STARD5: variants seen among roughly 807,000 people sequenced by gnomAD.
The protein encoded by STARD5 is stAR-related lipid transfer protein 5.
In STARD5, 26 loss-of-function variants were observed where a neutral mutation model predicts 24.6. The ratio of observed to expected loss-of-function variants is 1.06; its 90% CI spans 0.77 to 1.47. STARD5 has a LOEUF of 1.47. Ranked by LOEUF, STARD5 falls within the 40% of genes most tolerant of loss-of-function variation. STARD5 has a pLI of 0.00. For missense variants in STARD5, 254 were observed against 270.8 expected (o/e 0.94, Z 0.44); for synonymous variants, 101 against 99.7 (o/e 1.01, Z -0.07).
intron 3 of STARD5, 104 bp from the exon 4 acceptor site, chr15:81,319,560 A>G (rs1901153675): frequency 1.0e-6 from 1 of 952,804 alleles, no homozygotes; most frequent in Non-Finnish European, 1.7e-6. Flanking sequence ...GGCTGACAGT[A>G]GGGTGGCACT....
intron 3 of STARD5, among the ~76,000 whole-genome samples, chr15:81,321,587 C>A (rs142328019): frequency 7.0e-6 from 1 of 142,128 alleles, no homozygotes; most frequent in Non-Finnish European, 1.5e-5. Flanking sequence ...TCCAGCCTAG[C>A]GACAGAGTGA....
intron 3 of STARD5, among the ~76,000 whole-genome samples, chr15:81,319,734 T>C (rs1901157673): frequency 3.3e-5 from 5 of 152,212 alleles, no homozygotes; most frequent in Admixed American, 3.3e-4. Flanking sequence ...AGGTACCATT[T>C]ATTGAGCACC....
chr15:81,322,500 C>T lies in STARD5; in HGVS notation c.190G>A (p.Val64Met). ...EGIVYGTLEEVWDCVKPAVGG... is the reference protein window; with the variant it reads ...EGIVYGTLEEMWDCVKPAVGG... Reference sequence around the variant, plus strand: ...ACAGCTGGCTTCACACAGTCCCACACCTCCTCTAGTGTCCCATATACAATG... The same window carrying T: ...ACAGCTGGCTTCACACAGTCCCACATCTCCTCTAGTGTCCCATATACAATG... Residue 64 changes from valine to methionine, a missense_variant, in exon 3 of 6, where the codon GTG becomes ATG. Coordinates refer to ENST00000302824, the MANE Select transcript of STARD5 (RefSeq NM_181900.3). 6.2e-7 allele frequency: 1 copy of T among 1,614,222 alleles called. No individual in the cohort carries two copies. The highest frequency in any genetic ancestry group is 1.1e-5 in the South Asian group (1 of 91,088).
Position 81,322,461 on chromosome 15 carries a change from C to T in STARD5, c.229G>A (p.Val77Met), listed in dbSNP as rs138923627. 7.0e-3 allele frequency: 11,280 copies of T among 1,614,226 alleles called. 44 individuals are homozygous for T. The highest frequency in any genetic ancestry group is 8.4e-3 in the Non-Finnish European group (9,970 of 1,180,038). Reference sequence around the variant, plus strand: ...CCGGTCACATTCTCATCCCACTTCACTCGTAGGCCTCCAACAGCTGGCTTC... The same window carrying T: ...CCGGTCACATTCTCATCCCACTTCATTCGTAGGCCTCCAACAGCTGGCTTC... Reference protein sequence around the residue: ...CVKPAVGGLRVKWDENVTGFE... With the variant: ...CVKPAVGGLRMKWDENVTGFE... Residue 77 changes from valine (V) to methionine (M), a missense_variant, in exon 3 of 6, where the codon GTG becomes ATG. By Grantham distance (21) the Val-to-Met change is conservative (BLOSUM62 1). Coordinates refer to ENST00000302824, the MANE Select transcript of STARD5 (RefSeq NM_181900.3).
At chr15:81,317,065 C>A (rs1901097770) in intron 5 of STARD5, among the ~76,000 whole-genome samples, 1 of 151,980 alleles carries the variant, frequency 6.6e-6, no homozygotes, top group African/African-American at 2.4e-5. Context: ...GGCATGGTGG[C>A]AGGCACCTGT....
At chr15:81,323,919 G>C in intron 1 of STARD5, 82 bp downstream of exon 1, 2 of 1,402,350 alleles carry the variant, frequency 1.4e-6, no homozygotes, top group Non-Finnish European at 2.0e-6. Context: ...ACAACGGGGA[G>C]AGGAGGCGCT....
intron 5 of STARD5, among the ~76,000 whole-genome samples, chr15:81,318,073 A>G (rs936950115): frequency 2.0e-5 from 3 of 152,276 alleles, no homozygotes; most frequent in South Asian, 2.1e-4. Context: ...CTAGCCTTTG[A>G]GTCAGGACAC....
Position 81,314,832 on chromosome 15 carries a change from G to A in STARD5, c.495-1429C>T, listed in dbSNP as rs1314886204. On this transcript the variant is annotated intron_variant, in intron 5 of 5. Transcript: ENST00000302824. Reference sequence around the variant, plus strand: ...ACCTGGGAGGCGGAGGTTGCAGTGAGCCGAGATTACACCATTGCACTCCAG... The same window carrying A: ...ACCTGGGAGGCGGAGGTTGCAGTGAACCGAGATTACACCATTGCACTCCAG... 3.5e-5 allele frequency among the ~76,000 whole-genome samples: 5 copies of A among 142,958 alleles called. No individual in the cohort carries two copies. The East Asian group carries it at 8.5e-4, about 24-fold the overall frequency. 93.8% of individuals were successfully genotyped at this position (142,958 alleles called of 152,430 possible).
chr15:81,323,047 G>T, intron 1 of STARD5, 99 bp from the exon 2 acceptor site: 1 of 1,310,960 alleles, frequency 7.6e-7, no homozygotes, highest in East Asian at 2.4e-5. Flanking sequence ...GAGGCCTCAA[G>T]AGATACGACT....
At chr15:81,323,842 T>A (rs1426120635) in intron 1 of STARD5, 159 bp downstream of exon 1, 1 of 797,644 alleles carries the variant, frequency 1.3e-6, no homozygotes, top group Admixed American at 2.4e-5. Flanking sequence ...CAATCTTTTT[T>A]TTAAAGAAGA....
In STARD5 at chr15:81,322,542, T is replaced by C. The variant is rs764012995; in HGVS notation, c.150-2A>G. On this transcript the variant is annotated splice_acceptor_variant, in intron 2 of 5. Transcript: ENST00000302824. LOFTEE classifies it high-confidence loss of function. ...TATACAATGCCTTCTCCTCGGTACC[T>C]GGAGCACGAAAAGGAATTTGACCCC... 6.2e-7 allele frequency: 1 copy of C among 1,614,106 alleles called. No homozygotes were observed.
Position 81,318,598 on chromosome 15 carries a change from A to G in STARD5, c.401-96T>C, listed in dbSNP as rs116148833. On this transcript the variant is annotated intron_variant, in intron 4 of 5. Coordinates refer to ENST00000302824, the MANE Select transcript of STARD5 (RefSeq NM_181900.3). Reference sequence around the variant, plus strand: ...AGAGCACACAGACCAGACTACCTGCAGCCCTGGAGTCTGTGAGGGACTCCT... The same window carrying G: ...AGAGCACACAGACCAGACTACCTGCGGCCCTGGAGTCTGTGAGGGACTCCT... 6.5e-4 allele frequency: 714 copies of G among 1,100,748 alleles called. 7 individuals carry two copies. The African/African-American group carries it at 0.01, about 16-fold the overall frequency. The allele number at this position is 1,100,748 out of a possible 1,614,324, so 68.2% of individuals were successfully genotyped here.
In STARD5 at chr15:81,319,475, A is replaced by G; in HGVS notation, c.283-19T>C. On this transcript the variant is annotated intron_variant, in intron 3 of 5. Coordinates refer to ENST00000302824, the MANE Select transcript of STARD5 (RefSeq NM_181900.3). Reference sequence around the variant, plus strand: ...ACAGGGTCTGCCAAACCAAAGAAGCATGTAGCTGTGACTGCTGGCCAGACA... The same window carrying G: ...ACAGGGTCTGCCAAACCAAAGAAGCGTGTAGCTGTGACTGCTGGCCAGACA... The G allele has an allele frequency of 2.5e-6, 4 of 1,609,054 alleles. No individual in the cohort carries two copies. Among genetic ancestry groups the G allele is most frequent in the Middle Eastern group, 1.7e-4 (1 of 6,052 alleles).
At chr15:81,322,849 C>T in intron 2 of STARD5, 50 bp downstream of exon 2, 1 of 1,612,122 alleles carries the variant, frequency 6.2e-7, no homozygotes, top group African/African-American at 1.3e-5. Context: ...ATAAAGATAC[C>T]AGGAAGGGTG....
At chr15:81,319,560 AG>A in intron 3 of STARD5, 104 bp from the exon 4 acceptor site, 3 of 952,922 alleles carry the variant, frequency 3.1e-6, no homozygotes, top group Non-Finnish European at 5.1e-6. Flanking sequence ...GGCTGACAGT[AG>A]GGTGGCACTA....
chr15:81,322,601 T>C (rs1285221372), intron 2 of STARD5, 61 bp from the exon 3 acceptor site: 24 of 1,610,722 alleles, frequency 1.5e-5, no homozygotes, highest in Non-Finnish European at 1.9e-5. Flanking sequence ...CTTGAGATTG[T>C]ATCTAAGGAC....
chr15:81,314,896 A>AAAAG (rs1901044061), intron 5 of STARD5, among the ~76,000 whole-genome samples: 1 of 146,806 alleles, frequency 6.8e-6, no homozygotes, highest in African/African-American at 2.5e-5. Flanking sequence ...CAAAAAAGAA[A>AAAAG]AAAAAAAAAA....
chr15:81,323,116 C>G, intron 1 of STARD5, 168 bp from the exon 2 acceptor site: 1 of 652,918 alleles, frequency 1.5e-6, no homozygotes, highest in African/African-American at 1.8e-5. Flanking sequence ...GCAAAGCTGT[C>G]CCCACAGCAG....
Position 81,319,335 on chromosome 15 carries a change from T to C in STARD5, c.400+4A>G. 1 of 1,612,040 alleles carries C rather than the reference T, an allele frequency of 6.2e-7. No homozygotes were observed. The highest frequency in any genetic ancestry group is 8.5e-7 in the Non-Finnish European group (1 of 1,178,074). On this transcript the variant is annotated splice_donor_region_variant and intron_variant, in intron 4 of 5. Transcript: ENST00000302824. ...GCATGGCAGCTCCTCCGGGCATCACTCACCGTTGGAACTGATGGTCCCATC... is the reference window on the plus strand; with the variant it reads ...GCATGGCAGCTCCTCCGGGCATCACCCACCGTTGGAACTGATGGTCCCATC...
Sources: allele counts gnomAD v4.1 joint callset (sites outside exome capture counted in the v4.1 genomes callset), GRCh38; gene constraint gnomAD v4.1.1; transcripts MANE v1.5; gene names NCBI Gene and HGNC (gene_info 2026-07-23, HGNC 2026-07-21).